Variants in RBMS3 observed in about 807,000 individuals in gnomAD.
RBMS3 encodes RNA-binding motif, single-stranded-interacting protein 3.
In RBMS3, 27 loss-of-function variants were observed where a neutral mutation model predicts 66.8. The ratio of observed to expected loss-of-function variants is 0.40; its 90% CI spans 0.30 to 0.56. RBMS3 has a LOEUF of 0.56. RBMS3 is among the 20% of genes least tolerant of loss of function. RBMS3 has a pLI of 0.40. For missense variants in RBMS3, 513 were observed against 549.5 expected (o/e 0.93, Z 0.66); for synonymous variants, 188 against 183.0 (o/e 1.03, Z -0.22).
At chr3:29,639,125 G>C (rs987479747) in intron 4 of RBMS3, among the ~76,000 whole-genome samples, 12 of 151,684 alleles carry the variant, frequency 7.9e-5, no homozygotes, top group Admixed American at 5.9e-4. Flanking sequence ...AAGAGGCCTG[G>C]GTGAGGCTTT....
chr3:29,849,711 T>G (rs2058885026), intron 6 of RBMS3, among the ~76,000 whole-genome samples: 1 of 152,138 alleles, frequency 6.6e-6, no homozygotes, highest in Admixed American at 6.5e-5. Flanking sequence ...CAAACATCAG[T>G]GAAGAACTTG....
intron 3 of RBMS3, among the ~76,000 whole-genome samples, chr3:29,497,336 G>A (rs1444556303): frequency 6.6e-6 from 1 of 152,090 alleles, no homozygotes; most frequent in Non-Finnish European, 1.5e-5. Context: ...AATAATTGTT[G>A]AGGAATATAA....
rs558623268 is a variant in RBMS3 at position 29,976,007 on chromosome 3, A to T, written c.1099-12136A>T. Among the ~76,000 whole-genome samples, 12 of 151,916 alleles carry T rather than the reference A, an allele frequency of 7.9e-5. No individual in the cohort carries two copies. In the South Asian group the frequency reaches 1.0e-3, roughly 13 times the overall value. On this transcript the variant is annotated intron_variant, in intron 12 of 14. Coordinates refer to ENST00000383767, the MANE Select transcript of RBMS3 (RefSeq NM_001003793.3). ...GTCTTATTTAATTTCTTTCATCAAG[A>T]TTTTCTAATTTGTAATATAGAAGTT... is the stretch of plus-strand genomic sequence containing the variant.
At chr3:29,930,367 C>T (rs1416827867) in intron 10 of RBMS3, among the ~76,000 whole-genome samples, 1 of 151,814 alleles carries the variant, frequency 6.6e-6, no homozygotes, top group Non-Finnish European at 1.5e-5. Flanking sequence ...CCGCCTCGGC[C>T]TCCCAAAGTG....
chr3:29,640,075 T>G (rs1362926353), intron 4 of RBMS3, among the ~76,000 whole-genome samples: 1 of 151,878 alleles, frequency 6.6e-6, no homozygotes, highest in Non-Finnish European at 1.5e-5. Context: ...TATGTCACTA[T>G]ATTCTACCTA....
At chr3:29,493,690 T>C (rs962896699) in intron 3 of RBMS3, among the ~76,000 whole-genome samples, 1 of 152,214 alleles carries the variant, frequency 6.6e-6, no homozygotes, top group African/African-American at 2.4e-5. Flanking sequence ...TATGTTTATA[T>C]TTTGATTGTT....
chr3:29,325,933 T>C lies in RBMS3; in HGVS notation c.75+44177T>C, dbSNP rs112233467. 2.5e-3 allele frequency among the ~76,000 whole-genome samples: 388 copies of C among 152,272 alleles called. 1 individual carries two copies. Among genetic ancestry groups the C allele is most frequent in the African/African-American group, 9.1e-3 (377 of 41,554 alleles). On this transcript the variant is annotated intron_variant, in intron 1 of 14. Transcript: ENST00000383767. ...TGTGCTATAGAAACTTTTGGAGTCA[T>C]ATTTCATTAATTTCCCCAGGTCACC... is the stretch of plus-strand genomic sequence containing the variant.
intron 11 of RBMS3, among the ~76,000 whole-genome samples, chr3:29,936,975 C>G (rs894100594): frequency 6.6e-6 from 1 of 151,990 alleles, no homozygotes; most frequent in Non-Finnish European, 1.5e-5. Flanking sequence ...ACCATGAAAC[C>G]TAACCACTCA....
intron 1 of RBMS3, among the ~76,000 whole-genome samples, chr3:29,355,400 T>G (rs1201930278): frequency 6.6e-6 from 1 of 152,160 alleles, no homozygotes; most frequent in African/African-American, 2.4e-5. Context: ...TTCTAACTTA[T>G]GCCTCATCTG....
chr3:29,830,974 T>C (rs923435775), intron 6 of RBMS3, among the ~76,000 whole-genome samples: 5 of 152,164 alleles, frequency 3.3e-5, no homozygotes, highest in African/African-American at 1.2e-4. Flanking sequence ...AGGTGCTAAG[T>C]TGATTTATAC....
In RBMS3 at chr3:30,005,145, T is replaced by A. The variant is rs1699771431; in HGVS notation, c.*1283T>A. On this transcript the variant is annotated 3_prime_UTR_variant, in exon 15 of 15. Transcript: ENST00000383767. ...ATTTGACCGACATGGCCGGACCAGT[T>A]CTTTCTTTGTTGTTTGTTTAAACTA... 6.6e-6 allele frequency: 1 copy of A among 151,696 alleles called. No individual in the cohort carries two copies. The highest frequency in any genetic ancestry group is 2.4e-5 in the African/African-American group (1 of 41,412). The allele number at this position is 151,696 out of a possible 1,614,324, so 9.4% of individuals were successfully genotyped here.
At chr3:29,673,165 T>C (rs769545411) in intron 4 of RBMS3, among the ~76,000 whole-genome samples, 1 of 152,000 alleles carries the variant, frequency 6.6e-6, no homozygotes, top group Non-Finnish European at 1.5e-5. Context: ...AATAACGAAA[T>C]GAAGGCAGAA....
chr3:29,747,267 ATAACT>A (rs1374093365), intron 5 of RBMS3, among the ~76,000 whole-genome samples: 18 of 152,294 alleles, frequency 1.2e-4, no homozygotes, highest in Admixed American at 6.5e-4. Flanking sequence ...TGGGTCTGAA[ATAACT>A]TAGCTTACAT....
At chr3:29,847,401 G>A (rs1221535934) in intron 6 of RBMS3, among the ~76,000 whole-genome samples, 1 of 152,114 alleles carries the variant, frequency 6.6e-6, no homozygotes, top group African/African-American at 2.4e-5. Context: ...TCCAATTTCA[G>A]CACACAAAGC....
chr3:29,432,415 G>T (rs2041243068), intron 1 of RBMS3, among the ~76,000 whole-genome samples: 1 of 152,198 alleles, frequency 6.6e-6, no homozygotes, highest in Non-Finnish European at 1.5e-5. Flanking sequence ...TAGACAGTGG[G>T]AAATAGGGAC....
chr3:29,870,217 A>G (rs989589053), intron 7 of RBMS3, among the ~76,000 whole-genome samples: 2 of 152,128 alleles, frequency 1.3e-5, no homozygotes, highest in Non-Finnish European at 2.9e-5. Flanking sequence ...ATGTGTTTTT[A>G]GCATGGAGTC....
chr3:29,359,749 T>A (rs1368341140), intron 1 of RBMS3, among the ~76,000 whole-genome samples: 1 of 152,198 alleles, frequency 6.6e-6, no homozygotes, highest in Non-Finnish European at 1.5e-5. Context: ...ATTCAGAGAT[T>A]CAACTTCTTC....
At chr3:29,633,792 A>T (rs1246616816) in intron 4 of RBMS3, among the ~76,000 whole-genome samples, 1 of 151,810 alleles carries the variant, frequency 6.6e-6, no homozygotes, top group Non-Finnish European at 1.5e-5. Flanking sequence ...ACTTTTGGCC[A>T]ATTTCCTTAA....
At chr3:29,755,752 C>A (rs567834397) in intron 5 of RBMS3, among the ~76,000 whole-genome samples, 54 of 152,268 alleles carry the variant, frequency 3.5e-4, no homozygotes, top group Admixed American at 2.9e-3. Flanking sequence ...ACTCAGATTT[C>A]TCTCTACTCT....
Sources: allele counts gnomAD v4.1 joint callset (sites outside exome capture counted in the v4.1 genomes callset), GRCh38; gene constraint gnomAD v4.1.1; transcripts MANE v1.5; gene names NCBI Gene and HGNC (gene_info 2026-07-23, HGNC 2026-07-21).